Variants in CCDC170 observed in about 807,000 individuals in gnomAD.
CCDC170 encodes coiled-coil domain-containing protein 170.
CCDC170 carries 69 observed loss-of-function variants against 72.6 expected under a neutral mutation model. The observed-to-expected ratio is 0.95, with a 90% CI of 0.78 to 1.16. The LOEUF is 1.16. CCDC170 is among the 50% of genes most tolerant of loss of function. The probability of loss-of-function intolerance (pLI) is 0.00; values close to 1 mark genes in which losing one functional copy is unlikely to be tolerated. For missense variants in CCDC170, 852 were observed against 832.5 expected, an observed-to-expected ratio of 1.02 and a Z score of -0.29; for synonymous variants, 300 against 303.9, an observed-to-expected ratio of 0.99 and a Z score of 0.13.
At chr6:151,582,730 T>A (rs558850074) in intron 6 of CCDC170, among the ~76,000 whole-genome samples, 138 of 152,016 alleles carry the variant, frequency 9.1e-4, no homozygotes, top group Non-Finnish European at 1.7e-3. Flanking sequence ...GGAGCAGGCA[T>A]CACATGGCCA....
Position 151,596,522 on chromosome 6 carries a change from G to T in CCDC170, c.1655G>T (p.Cys552Phe), listed in dbSNP as rs754244719. The T allele has an allele frequency of 2.5e-6, 4 of 1,614,144 alleles. No homozygotes were observed. Among genetic ancestry groups the T allele is most frequent in the Non-Finnish European group, 3.4e-6 (4 of 1,180,008 alleles). The change falls in exon 9 of 11, where the codon TGT becomes TTT. Residue 552 changes from cysteine to phenylalanine, a missense_variant. Transcript: ENST00000239374. Reference protein sequence around the residue: ...VERLQKELNTCRDLHTELKAK... With the variant: ...VERLQKELNTFRDLHTELKAK... ...AGGCTGCAGAAAGAGCTGAACACGTGTCGAGACTTGCACACCGAGCTCAAA... is the reference window on the plus strand; with the variant it reads ...AGGCTGCAGAAAGAGCTGAACACGTTTCGAGACTTGCACACCGAGCTCAAA...
chr6:151,594,469 C>T (rs1055916858), intron 8 of CCDC170, among the ~76,000 whole-genome samples: 21 of 152,172 alleles, frequency 1.4e-4, no homozygotes, highest in African/African-American at 5.1e-4. Flanking sequence ...AGATAGCATA[C>T]AAACCCTATT....
chr6:151,514,036 A>AACCAAGAT (rs1160767844), intron 1 of CCDC170, among the ~76,000 whole-genome samples: 1 of 151,958 alleles, frequency 6.6e-6, no homozygotes, highest in Admixed American at 6.6e-5. Context: ...CAGAAATATT[A>AACCAAGAT]ACCAAGATAA....
chr6:151,514,353 G>GAAGGGAAGA (rs1554219945), intron 1 of CCDC170, among the ~76,000 whole-genome samples: 3 of 101,536 alleles, frequency 3.0e-5, no homozygotes, highest in Admixed American at 2.1e-4. Context: ...GGGAGGGAGG[G>GAAGGGAAGA]AGGGAGGGAG....
intron 1 of CCDC170, among the ~76,000 whole-genome samples, chr6:151,515,924 G>C (rs1328195303): frequency 6.6e-6 from 1 of 151,986 alleles, no homozygotes; most frequent in African/African-American, 2.4e-5. Context: ...AAATTAGCTG[G>C]GTGTGGTGGC....
chr6:151,507,836 G>T (rs544869966), intron 1 of CCDC170, among the ~76,000 whole-genome samples: 1 of 151,736 alleles, frequency 6.6e-6, no homozygotes, highest in Non-Finnish European at 1.5e-5. Flanking sequence ...CAGGAGAATC[G>T]CTTGAACCAG....
chr6:151,604,286 A>G (rs925703505), intron 9 of CCDC170, among the ~76,000 whole-genome samples: 8 of 152,112 alleles, frequency 5.3e-5, no homozygotes, highest in Non-Finnish European at 1.2e-4. Context: ...CTCCCATCTC[A>G]TACTCAGCTC....
intron 1 of CCDC170, among the ~76,000 whole-genome samples, chr6:151,535,372 T>C (rs1174595534): frequency 6.6e-6 from 1 of 152,172 alleles, no homozygotes; most frequent in Non-Finnish European, 1.5e-5. Context: ...TGTCCATGTG[T>C]GACACTGCCA....
intron 5 of CCDC170, among the ~76,000 whole-genome samples, chr6:151,549,554 T>C (rs1403097172): frequency 6.6e-6 from 1 of 152,066 alleles, no homozygotes; most frequent in Non-Finnish European, 1.5e-5. Flanking sequence ...GCCACCCAGT[T>C]CTCTTCAGAG....
chr6:151,585,869 A>G lies in CCDC170; in HGVS notation c.1093-20A>G, dbSNP rs1407838174. ...GCATCTGAAACAAGGCTTATTCTTG[A>G]TCTGTTTCTTTGTTTCCAGATGGTC... On this transcript the variant is annotated intron_variant, in intron 6 of 10. Transcript: ENST00000239374. 6.2e-7 allele frequency: 1 copy of G among 1,609,928 alleles called. No individual in the cohort carries two copies. The highest frequency in any genetic ancestry group is 8.5e-7 in the Non-Finnish European group (1 of 1,177,666).
intron 8 of CCDC170, among the ~76,000 whole-genome samples, chr6:151,594,150 A>G (rs1776586363): frequency 6.6e-6 from 1 of 152,242 alleles, no homozygotes; most frequent in African/African-American, 2.4e-5. Context: ...TTGGGGAAAG[A>G]AATAGGAAAA....
At chr6:151,581,080 G>T (rs1776373419) in intron 6 of CCDC170, among the ~76,000 whole-genome samples, 1 of 152,178 alleles carries the variant, frequency 6.6e-6, no homozygotes, top group African/African-American at 2.4e-5. Context: ...TAATGTTGAT[G>T]GTTACTGCTG....
At chr6:151,535,625 A>C (rs1782562758) in intron 1 of CCDC170, among the ~76,000 whole-genome samples, 1 of 152,222 alleles carries the variant, frequency 6.6e-6, no homozygotes, top group Non-Finnish European at 1.5e-5. Flanking sequence ...AAAAATAACG[A>C]AAACTGTCCC....
At chr6:151,562,385 T>G (rs1776050192) in intron 5 of CCDC170, among the ~76,000 whole-genome samples, 2 of 152,202 alleles carry the variant, frequency 1.3e-5, no homozygotes, top group South Asian at 4.1e-4. Flanking sequence ...GGGACTTCTT[T>G]TTTAAATTCT....
intron 8 of CCDC170, among the ~76,000 whole-genome samples, chr6:151,596,031 GT>G (rs1414407327): frequency 6.6e-6 from 1 of 152,130 alleles, no homozygotes; most frequent in Non-Finnish European, 1.5e-5. Context: ...CATCTGAGGA[GT>G]TTTTTAAAAG....
At chr6:151,573,062 C>A (rs1776246354) in intron 5 of CCDC170, 112 bp from the exon 6 acceptor site, 1 of 926,962 alleles carries the variant, frequency 1.1e-6, no homozygotes, top group Non-Finnish European at 1.7e-6. Flanking sequence ...GAGTAATTAA[C>A]CCAACCCCTT....
At chr6:151,522,620 G>A (rs1305252597) in intron 1 of CCDC170, among the ~76,000 whole-genome samples, 2 of 152,172 alleles carry the variant, frequency 1.3e-5, no homozygotes, top group Admixed American at 1.3e-4. Context: ...CAGGGGCCAC[G>A]TGCATCAGGG....
At chr6:151,546,427 G>A (rs1782772880) in intron 4 of CCDC170, among the ~76,000 whole-genome samples, 2 of 152,134 alleles carry the variant, frequency 1.3e-5, no homozygotes, top group Admixed American at 1.3e-4. Flanking sequence ...GTGCTAATCA[G>A]GGTGTTTCTA....
chr6:151,615,900 A>T (rs777146949), intron 10 of CCDC170: 38 of 486,118 alleles, frequency 7.8e-5, no homozygotes, highest in Non-Finnish European at 1.4e-4. Context: ...TTTATTCAAA[A>T]GCAATTTACA....
Sources: allele counts gnomAD v4.1 joint callset (sites outside exome capture counted in the v4.1 genomes callset), GRCh38; gene constraint gnomAD v4.1.1; transcripts MANE v1.5; gene names NCBI Gene and HGNC (gene_info 2026-07-23, HGNC 2026-07-21).